MEIKIN: variants seen among roughly 807,000 people sequenced by gnomAD.
MEIKIN encodes meiotic kinetochore factor, also known as meiosis-specific kinetochore protein.
chr5:131,899,664 A>G (rs1751122347), intron 8 of MEIKIN, among the ~76,000 whole-genome samples: 1 of 152,228 alleles, frequency 6.6e-6, no homozygotes, highest in African/African-American at 2.4e-5. Context: ...TGCCAATGGA[A>G]GTCAAAAAAG....
chr5:131,918,691 T>C (rs1016965461), intron 6 of MEIKIN, among the ~76,000 whole-genome samples: 6 of 152,202 alleles, frequency 3.9e-5, no homozygotes, highest in South Asian at 4.1e-4. Flanking sequence ...TGGTGGTAGA[T>C]AGATGCATGA....
At chr5:131,927,277 C>T (rs1751602411) in intron 5 of MEIKIN, among the ~76,000 whole-genome samples, 1 of 152,110 alleles carries the variant, frequency 6.6e-6, no homozygotes, top group African/African-American at 2.4e-5. Flanking sequence ...TGTGAATTTT[C>T]CAGTATTCCT....
chr5:131,851,729 A>G (rs1750118675), intron 10 of MEIKIN, among the ~76,000 whole-genome samples: 1 of 152,224 alleles, frequency 6.6e-6, no homozygotes, highest in African/African-American at 2.4e-5. Flanking sequence ...CCATTTTTCT[A>G]TCAGGTTACT....
At chr5:131,929,149 G>T (rs1243473273) in intron 5 of MEIKIN, among the ~76,000 whole-genome samples, 1 of 152,172 alleles carries the variant, frequency 6.6e-6, no homozygotes, top group Admixed American at 6.5e-5. Flanking sequence ...TAAGGTTTCT[G>T]CTGAGAAATC....
At chr5:131,828,303 T>C (rs933844445) in intron 11 of MEIKIN, among the ~76,000 whole-genome samples, 3 of 152,032 alleles carry the variant, frequency 2.0e-5, no homozygotes, top group African/African-American at 7.2e-5. Context: ...GCTGGGACTA[T>C]AGGCACACAC....
chr5:131,862,843 T>C (rs1462030428), intron 9 of MEIKIN, among the ~76,000 whole-genome samples: 3 of 152,134 alleles, frequency 2.0e-5, no homozygotes, highest in Non-Finnish European at 4.4e-5. Flanking sequence ...ACTACAGACA[T>C]GCACCACCAT....
chr5:131,916,068 T>G lies in MEIKIN; in HGVS notation c.638+818A>C, dbSNP rs906459081. 2.6e-5 allele frequency among the ~76,000 whole-genome samples: 4 copies of G among 152,320 alleles called. No homozygotes were observed. In the South Asian group the frequency reaches 8.3e-4, roughly 32 times the overall value. On this transcript the variant is annotated intron_variant, in intron 7 of 12. Transcript: ENST00000442687. ...GGGTTTTACTTTGTGAATGTGCTACTTAAATAAAGAGAATGCCAGATGTCT... is the reference window on the plus strand; with the variant it reads ...GGGTTTTACTTTGTGAATGTGCTACGTAAATAAAGAGAATGCCAGATGTCT...
chr5:131,933,969 C>T lies in MEIKIN; in HGVS notation c.350-328G>A, dbSNP rs1004175159. Among the ~76,000 whole-genome samples the T allele has an allele frequency of 9.3e-5, 14 of 151,046 alleles. 1 individual carries two copies. Among genetic ancestry groups the T allele is most frequent in the Admixed American group, 5.9e-4 (9 of 15,164 alleles). On this transcript the variant is annotated intron_variant, in intron 4 of 12. Transcript: ENST00000442687. ...ATTTTTTAATTTTTTTTTTTGAGAC[C>T]GAGTCTCACTCTATAGCCCAGGGTG... is the stretch of plus-strand genomic sequence containing the variant.
chr5:131,945,525 C>A lies in MEIKIN; in HGVS notation c.-20G>T. 2.5e-6 allele frequency: 1 copy of A among 399,970 alleles called. No individual in the cohort carries two copies. Among genetic ancestry groups the A allele is most frequent in the Non-Finnish European group, 4.4e-6 (1 of 226,168 alleles). 24.8% of individuals were successfully genotyped at this position (399,970 alleles called of 1,614,324 possible). A position where few individuals can be genotyped will look rare whatever the true frequency, so the allele number is the denominator to read the frequency against. On this transcript the variant is annotated 5_prime_UTR_variant, in exon 1 of 13. Coordinates refer to ENST00000442687, the MANE Select transcript of MEIKIN (RefSeq NM_001303622.2). ...CCACATTGCTATCCCACCCTACCCC[C>A]AGGCCACGGGTGCCTCTGGACTCTC... is the stretch of plus-strand genomic sequence containing the variant.
chr5:131,875,188 A>T (rs1287126140), intron 9 of MEIKIN, among the ~76,000 whole-genome samples: 1 of 152,182 alleles, frequency 6.6e-6, no homozygotes, highest in Admixed American at 6.5e-5. Flanking sequence ...CAATTAGGAA[A>T]AGAGGAAGTC....
At chr5:131,925,402 C>T (rs1751570658) in intron 5 of MEIKIN, among the ~76,000 whole-genome samples, 1 of 152,178 alleles carries the variant, frequency 6.6e-6, no homozygotes, top group African/African-American at 2.4e-5. Context: ...AGTCTTCCAA[C>T]TCATAAACAT....
chr5:131,895,137 T>C (rs531223384), intron 8 of MEIKIN, among the ~76,000 whole-genome samples: 4 of 152,316 alleles, frequency 2.6e-5, no homozygotes, highest in Non-Finnish European at 5.9e-5. Context: ...CTGCATCTGT[T>C]GAGATAATCA....
chr5:131,827,349 G>A (rs1749633511), intron 11 of MEIKIN, among the ~76,000 whole-genome samples: 1 of 152,012 alleles, frequency 6.6e-6, no homozygotes, highest in Non-Finnish European at 1.5e-5. Context: ...AAAAAAAACT[G>A]GATGAAAGGA....
chr5:131,908,485 G>A (rs74743354), intron 8 of MEIKIN, among the ~76,000 whole-genome samples: 4,065 of 152,182 alleles, frequency 0.027, 191 homozygotes, highest in African/African-American at 0.092. Context: ...ACTAAATGGG[G>A]AAAAACTGAA....
chr5:131,917,128 T>G (rs547911563), intron 6 of MEIKIN, among the ~76,000 whole-genome samples: 1 of 152,328 alleles, frequency 6.6e-6, no homozygotes, highest in Non-Finnish European at 1.5e-5. Context: ...TACAGGAATC[T>G]CTCCCTTGTA....
At chr5:131,847,895 C>T (rs1175600958) in intron 11 of MEIKIN, among the ~76,000 whole-genome samples, 2 of 151,298 alleles carry the variant, frequency 1.3e-5, no homozygotes, top group Non-Finnish European at 3.0e-5. Context: ...ATTCAACAAA[C>T]TGTGAAAATT....
intron 11 of MEIKIN, among the ~76,000 whole-genome samples, chr5:131,831,979 G>C (rs1209129868): frequency 1.3e-5 from 2 of 151,932 alleles, no homozygotes; most frequent in Non-Finnish European, 2.9e-5. Flanking sequence ...ATTTGGGTGG[G>C]GACACAGCCA....
intron 9 of MEIKIN, among the ~76,000 whole-genome samples, chr5:131,857,823 C>T (rs1750221516): frequency 6.6e-6 from 1 of 152,212 alleles, no homozygotes; most frequent in Non-Finnish European, 1.5e-5. Context: ...TGTACATGCA[C>T]CCTGCCTCTC....
chr5:131,849,932 T>C (rs528390998), intron 11 of MEIKIN, among the ~76,000 whole-genome samples: 7 of 151,966 alleles, frequency 4.6e-5, no homozygotes, highest in Admixed American at 3.9e-4. Flanking sequence ...ACCTTAAAGA[T>C]TGAATTAAAA....
Sources: gnomAD v4.1 joint callset for allele counts (sites outside exome capture counted in the v4.1 genomes callset) on GRCh38, gnomAD v4.1.1 for gene constraint, MANE v1.5 for transcripts, NCBI Gene and HGNC (gene_info 2026-07-23, HGNC 2026-07-21) for gene names.